The following BTK variants were observed in gnomAD, a reference collection of about 807,000 sequenced individuals.
BTK encodes the protein Bruton tyrosine kinase, also known as tyrosine-protein kinase BTK.
Under a neutral mutation model 57.4 loss-of-function variants are expected in BTK, and 5 were observed. The observed-to-expected ratio is 0.09, with a 90% CI of 0.05 to 0.18. The LOEUF (loss-of-function observed/expected upper bound fraction) is 0.18, where lower values mean the gene tolerates loss of function less well. Ranked by LOEUF, BTK falls within the 10% of genes least tolerant of loss-of-function variation. The pLI, the probability that BTK is intolerant of heterozygous loss-of-function variation, is 1.00. For missense variants in BTK, 194 were observed against 501.2 expected (o/e 0.39, Z 5.85); for synonymous variants, 154 against 174.3 (o/e 0.88, Z 0.92).
intron 1 of BTK, among the ~76,000 whole-genome samples, chrX:101,379,844 A>C: frequency 8.9e-6 from 1 of 112,210 alleles, no homozygotes; most frequent in African/African-American, 3.2e-5. Flanking sequence ...GGTAAGGATG[A>C]TCTGTCTCTG....
intron 18 of BTK, chrX:101,352,965 C>A: frequency 2.6e-6 from 1 of 377,554 alleles, no homozygotes; most frequent in African/African-American, 2.6e-5. Context: ...ACTTGGGAGG[C>A]TGAGACATGA....
chrX:101,365,269 C>T (rs1272418391), intron 5 of BTK, among the ~76,000 whole-genome samples: 1 of 111,557 alleles, frequency 9.0e-6, no homozygotes. Context: ...GGCTGGGCAC[C>T]AGTAGACATG....
chrX:101,368,779 A>G (rs1052252302), intron 5 of BTK, among the ~76,000 whole-genome samples: 2 of 112,515 alleles, frequency 1.8e-5, no homozygotes, highest in South Asian at 7.3e-4. Flanking sequence ...ATGATCCTTC[A>G]TCTTCGTTCC....
intron 18 of BTK, among the ~76,000 whole-genome samples, chrX:101,352,551 G>T (rs1316065430): frequency 8.9e-6 from 1 of 111,815 alleles, no homozygotes; most frequent in Non-Finnish European, 1.9e-5. Flanking sequence ...GATCACTTGA[G>T]GCCAGGAGTT....
rs781802061 is a variant in BTK, at chrX:101,363,717, A to C, written c.392-1028T>G. On this transcript the variant is annotated intron_variant, in intron 5 of 18. Coordinates refer to ENST00000308731, the MANE Select transcript of BTK (RefSeq NM_000061.3). Reference sequence around the variant, plus strand: ...TGAGACTCTGTCTCAACAAAAAAAAAAAAAAAGAAAAGTCATCCAGGGTTC... The same window carrying C: ...TGAGACTCTGTCTCAACAAAAAAAACAAAAAAGAAAAGTCATCCAGGGTTC... Among the ~76,000 whole-genome samples the C allele has an allele frequency of 3.3e-4, 36 of 108,197 alleles. No homozygotes were observed. The East Asian group carries it at 3.8e-3, about 11-fold the overall frequency. 94.0% of individuals were successfully genotyped at this position (108,197 alleles called of 115,157 possible).
intron 9 of BTK, among the ~76,000 whole-genome samples, chrX:101,359,876 AGT>A (rs1285417833): frequency 2.8e-5 from 3 of 105,914 alleles, no homozygotes; most frequent in African/African-American, 1.0e-4. Context: ...AGTAGAAAAA[AGT>A]GTATATATAT....
intron 3 of BTK, chrX:101,374,278 C>A (rs1242539391): frequency 2.9e-6 from 1 of 349,857 alleles, no homozygotes; most frequent in Non-Finnish European, 5.0e-6. Flanking sequence ...TCAATGATCT[C>A]TGACCAGTTT....
intron 7 of BTK, among the ~76,000 whole-genome samples, 188 bp from the exon 8 acceptor site, chrX:101,360,943 T>C (rs1926649560): frequency 9.0e-6 from 1 of 111,504 alleles, no homozygotes; most frequent in African/African-American, 3.3e-5. Context: ...ATAAAGACCA[T>C]GTATGGAACT....
intron 5 of BTK, among the ~76,000 whole-genome samples, chrX:101,367,637 AAAATAAATAAATAAATAAATAAAT>A (rs60295371): frequency 4.9e-5 from 5 of 102,207 alleles, no homozygotes; most frequent in African/African-American, 1.5e-4. Flanking sequence ...ACTCCATCTC[AAAATAAATAAATAAATAAATAAAT>A]AAATAAATAA....
At chrX:101,390,570 A>ACT (rs1555983108), upstream of BTK, 2 of 513,653 alleles carry the variant, frequency 3.9e-6, no homozygotes, top group African/African-American at 4.6e-5. Flanking sequence ...AACTGGAACA[A>ACT]TTGGCTCCCT....
At chrX:101,368,554 A>G (rs781860366) in intron 5 of BTK, among the ~76,000 whole-genome samples, 2 of 111,882 alleles carry the variant, frequency 1.8e-5, no homozygotes, top group Non-Finnish European at 3.8e-5. Flanking sequence ...TCATCTGTAA[A>G]TAGGGGAATA....
chrX:101,381,437 G>A (rs1370928833), intron 1 of BTK, among the ~76,000 whole-genome samples: 1 of 111,701 alleles, frequency 9.0e-6, no homozygotes, highest in Non-Finnish European at 1.9e-5. Context: ...ATCTCTAGTG[G>A]GAGGTTAAAT....
At chrX:101,368,526 C>A (rs1346882721) in intron 5 of BTK, among the ~76,000 whole-genome samples, 1 of 111,949 alleles carries the variant, frequency 8.9e-6, no homozygotes, top group East Asian at 2.8e-4. Context: ...TGCATAACAT[C>A]TTTGAGCTTC....
intron 17 of BTK, 27 bp downstream of exon 17, chrX:101,353,843 A>G (rs782458956): frequency 1.8e-6 from 2 of 1,088,324 alleles, no homozygotes; most frequent in African/African-American, 3.6e-5. Context: ...TTTGAGCTGT[A>G]TAATCTGTGT....
intron 3 of BTK, among the ~76,000 whole-genome samples, chrX:101,374,017 C>T (rs1388650673): frequency 9.2e-6 from 1 of 109,276 alleles, no homozygotes; most frequent in African/African-American, 3.3e-5. Flanking sequence ...TGCATTCCAG[C>T]CTGGGCAACA....
intron 16 of BTK, 108 bp from the exon 17 acceptor site, chrX:101,354,096 A>G: frequency 1.7e-6 from 1 of 602,091 alleles, no homozygotes; most frequent in Middle Eastern, 3.1e-4. Flanking sequence ...GGCTTTCTCA[A>G]AAGTCTCTCC....
In BTK at chrX:101,362,542, T is replaced by C. The variant is rs781955147; in HGVS notation, c.520+19A>G. 8.3e-7 allele frequency: 1 copy of C among 1,211,528 alleles called. No homozygotes were observed. Among genetic ancestry groups the C allele is most frequent in the Non-Finnish European group, 1.1e-6 (1 of 895,377 alleles). On this transcript the variant is annotated intron_variant, in intron 6 of 18. Coordinates refer to ENST00000308731, the MANE Select transcript of BTK (RefSeq NM_000061.3). ...AAACAGTCAAAGGAGAAAGAAATTA[T>C]ATCGATCAGATTGCTTACTTCCATT...
At chrX:101,355,564 G>A in intron 15 of BTK, 1 of 130,830 alleles carries the variant, frequency 7.6e-6, no homozygotes. Flanking sequence ...AGATTTTCAA[G>A]AGAAGCTGGA....
chrX:101,384,528 C>T (rs1555982240), intron 1 of BTK, among the ~76,000 whole-genome samples: 2 of 108,395 alleles, frequency 1.8e-5, no homozygotes, highest in African/African-American at 6.7e-5. Flanking sequence ...ACCCGGGAGG[C>T]GGAGGTTGCG....
Sources: allele counts gnomAD v4.1 joint callset (sites outside exome capture counted in the v4.1 genomes callset), GRCh38; gene constraint gnomAD v4.1.1; transcripts MANE v1.5; gene names NCBI Gene and HGNC (gene_info 2026-07-23, HGNC 2026-07-21).